Variants in NSRP1 observed in about 807,000 individuals in gnomAD.
NSRP1 encodes nuclear speckle splicing regulatory protein 1.
In NSRP1, 24 loss-of-function variants were observed where a neutral mutation model predicts 54.7. The observed-to-expected ratio is 0.44, with a 90% CI of 0.32 to 0.62. The LOEUF (loss-of-function observed/expected upper bound fraction) is 0.62, where lower values mean the gene tolerates loss of function less well. NSRP1 is among the 20% of genes least tolerant of loss of function. The probability of loss-of-function intolerance (pLI) is 0.06; values close to 1 mark genes in which losing one functional copy is unlikely to be tolerated. For missense variants in NSRP1, 596 were observed against 651.2 expected (o/e 0.92, Z 0.92); for synonymous variants, 210 against 213.8 (o/e 0.98, Z 0.15).
chr17:30,138,943 A>C (rs558743620), intron 2 of NSRP1, among the ~76,000 whole-genome samples: 66 of 89,604 alleles, frequency 7.4e-4, no homozygotes, highest in African/African-American at 2.8e-3. Flanking sequence ...TTTGAGATGG[A>C]GTCTCGCTTT....
intron 2 of NSRP1, among the ~76,000 whole-genome samples, chr17:30,171,232 C>G (rs1376588183): frequency 6.6e-6 from 1 of 151,486 alleles, no homozygotes; most frequent in Non-Finnish European, 1.5e-5. Context: ...GTTGCCTTCT[C>G]TGCCCTGGGC....
intron 2 of NSRP1, among the ~76,000 whole-genome samples, chr17:30,123,201 C>G (rs1004738954): frequency 6.6e-6 from 1 of 152,116 alleles, no homozygotes; most frequent in Non-Finnish European, 1.5e-5. Flanking sequence ...CTGGGTTCAA[C>G]CAGTTTCCCT....
At chr17:30,149,580 C>T (rs897339924) in intron 2 of NSRP1, among the ~76,000 whole-genome samples, 3 of 152,054 alleles carry the variant, frequency 2.0e-5, no homozygotes, top group African/African-American at 7.2e-5. Flanking sequence ...CCTGTAATCC[C>T]AGCCCTTTGG....
chr17:30,180,029 G>T (rs1046534337), intron 5 of NSRP1, among the ~76,000 whole-genome samples: 4 of 151,992 alleles, frequency 2.6e-5, no homozygotes, highest in Non-Finnish European at 4.4e-5. Context: ...TAGAGACGGG[G>T]TCTCACTATG....
intron 3 of NSRP1, among the ~76,000 whole-genome samples, chr17:30,174,360 C>T (rs1177812111): frequency 1.3e-5 from 2 of 152,288 alleles, no homozygotes; most frequent in East Asian, 1.9e-4. Flanking sequence ...TTGTTCCCCA[C>T]TTGATTGATT....
At chr17:30,128,682 A>G (rs541300360) in intron 2 of NSRP1, among the ~76,000 whole-genome samples, 117 of 152,266 alleles carry the variant, frequency 7.7e-4, no homozygotes, top group African/African-American at 2.7e-3. Context: ...TAGGTATTCA[A>G]AAGCATTTAT....
intron 2 of NSRP1, among the ~76,000 whole-genome samples, chr17:30,137,241 A>C (rs945755145): frequency 8.5e-5 from 13 of 152,180 alleles, no homozygotes; most frequent in Admixed American, 8.5e-4. Flanking sequence ...GTCATTCACA[A>C]ATCATCTTAT....
intron 2 of NSRP1, among the ~76,000 whole-genome samples, chr17:30,150,912 T>C (rs760856824): frequency 2.0e-5 from 3 of 151,910 alleles, no homozygotes; most frequent in Non-Finnish European, 4.4e-5. Context: ...GGTCTTGAAC[T>C]CCTGACCTTA....
chr17:30,157,171 T>A (rs1259006780), intron 2 of NSRP1, among the ~76,000 whole-genome samples: 1 of 152,206 alleles, frequency 6.6e-6, no homozygotes, highest in Non-Finnish European at 1.5e-5. Context: ...TTTGTCTTTT[T>A]GATAATAGCT....
At chr17:30,162,008 C>T (rs1470742685) in intron 2 of NSRP1, among the ~76,000 whole-genome samples, 1 of 147,842 alleles carries the variant, frequency 6.8e-6, no homozygotes, top group African/African-American at 2.5e-5. Context: ...TCTAAATTTT[C>T]TCTTCATAGC....
intron 2 of NSRP1, among the ~76,000 whole-genome samples, chr17:30,163,387 A>T (rs1188089350): frequency 6.6e-6 from 1 of 151,584 alleles, no homozygotes. Context: ...TTCTTTTCTG[A>T]TGGTTACTAC....
chr17:30,128,041 G>C, intron 2 of NSRP1: 1 of 385,278 alleles, frequency 2.6e-6, no homozygotes, highest in Non-Finnish European at 4.6e-6. Context: ...GTCTCACTGC[G>C]TTGCCTAGGC....
At chr17:30,129,118 A>G (rs2071677733) in intron 2 of NSRP1, among the ~76,000 whole-genome samples, 1 of 151,790 alleles carries the variant, frequency 6.6e-6, no homozygotes, top group African/African-American at 2.4e-5. Context: ...ATTATGGTGA[A>G]TTTTAAGGAT....
In NSRP1 at chr17:30,185,653, T is replaced by C. The variant is rs1905508705; in HGVS notation, c.1656T>C (p.Tyr552=). The change falls in exon 7 of 7, where the codon TAT becomes TAC. Residue 552 remains tyrosine, a synonymous_variant. Transcript: ENST00000247026. ...TGGCGCGGGTTAATGCAAAGACCTA[T>C]ATTGAGAAAGAAGATGATTGATGGC... The part of the protein sequence containing the change: ...RQMARVNAKT[Y]IEKEDD 1.9e-6 allele frequency: 3 copies of C among 1,584,238 alleles called. No individual in the cohort carries two copies. Among genetic ancestry groups the C allele is most frequent in the South Asian group, 2.3e-5 (2 of 85,248 alleles).
intron 2 of NSRP1, among the ~76,000 whole-genome samples, chr17:30,150,879 GGTTTTGCTGT>G (rs1429952718): frequency 2.0e-5 from 3 of 151,078 alleles, no homozygotes; most frequent in African/African-American, 7.3e-5. Flanking sequence ...GTAGAGATGG[GGTTTTGCTGT>G]GTTGGCCATG....
intron 6 of NSRP1, among the ~76,000 whole-genome samples, chr17:30,181,296 A>C (rs935838328): frequency 6.6e-6 from 1 of 152,206 alleles, no homozygotes; most frequent in African/African-American, 2.4e-5. Flanking sequence ...ACAGACTTTT[A>C]ATGTATAAAG....
intron 2 of NSRP1, among the ~76,000 whole-genome samples, chr17:30,140,770 C>T (rs7208814): frequency 0.084 from 12,763 of 151,854 alleles, 1,690 homozygotes; most frequent in African/African-American, 0.29. Flanking sequence ...CCTCGTGATC[C>T]GCACTCCTTG....
At chr17:30,116,929 G>C (rs371754003) in intron 1 of NSRP1, 66 bp downstream of exon 1, 1 of 1,543,892 alleles carries the variant, frequency 6.5e-7, no homozygotes, top group East Asian at 2.4e-5. Context: ...ATCTTTGGCC[G>C]AGGAGTTTTA....
At chr17:30,157,278 C>T (rs964129130) in intron 2 of NSRP1, among the ~76,000 whole-genome samples, 1 of 152,088 alleles carries the variant, frequency 6.6e-6, no homozygotes, top group Non-Finnish European at 1.5e-5. Flanking sequence ...GTTGGCTACT[C>T]ATATGTATTT....
Sources: gnomAD v4.1 joint callset for allele counts (sites outside exome capture counted in the v4.1 genomes callset) on GRCh38, gnomAD v4.1.1 for gene constraint, MANE v1.5 for transcripts, NCBI Gene and HGNC (gene_info 2026-07-23, HGNC 2026-07-21) for gene names.